Variants in KCNN2 observed in about 807,000 individuals in gnomAD.
KCNN2 encodes small conductance calcium-activated potassium channel protein 2.
Under a neutral mutation model 55.5 loss-of-function variants are expected in KCNN2, and 24 were observed. The observed-to-expected ratio is 0.43, with a 90% CI of 0.31 to 0.61. KCNN2 has a LOEUF of 0.61. Among genes scored for constraint, KCNN2 ranks in the 20% least tolerant of loss-of-function variants. The pLI is 0.08. For synonymous variants in KCNN2, 431 were observed against 336.1 expected (o/e 1.28, Z -3.09); for missense variants, 754 against 853.6 (o/e 0.88, Z 1.45).
chr5:114,206,464 C>A (rs1382921251), intron 1 of KCNN2, among the ~76,000 whole-genome samples: 1 of 152,162 alleles, frequency 6.6e-6, no homozygotes, highest in Non-Finnish European at 1.5e-5. Flanking sequence ...CTCAGCTCTG[C>A]ATCTCCAAAT....
chr5:114,473,940 T>C (rs775104545), intron 5 of KCNN2, among the ~76,000 whole-genome samples: 28 of 152,226 alleles, frequency 1.8e-4, no homozygotes, highest in Admixed American at 9.8e-4. Context: ...TTAGACTAAA[T>C]TTTTAGCCTT....
intron 3 of KCNN2, among the ~76,000 whole-genome samples, chr5:114,438,646 A>G (rs1255922958): frequency 6.6e-6 from 1 of 152,142 alleles, no homozygotes; most frequent in Non-Finnish European, 1.5e-5. Context: ...TCCTGTCCCC[A>G]TTTGTTGGGG....
chr5:114,107,449 A>G (rs111327814), intron 1 of KCNN2, among the ~76,000 whole-genome samples: 3,157 of 152,204 alleles, frequency 0.021, 53 homozygotes, highest in Non-Finnish European at 0.032. Flanking sequence ...CAATGGCACA[A>G]TCATGGCTCG....
chr5:114,285,831 G>A (rs756021866), intron 2 of KCNN2, among the ~76,000 whole-genome samples: 20 of 151,736 alleles, frequency 1.3e-4, no homozygotes, highest in Non-Finnish European at 2.2e-4. Flanking sequence ...AGGTGAAATT[G>A]CAGATAAAGA....
chr5:114,338,333 G>A (rs1756957195), intron 2 of KCNN2, among the ~76,000 whole-genome samples: 3 of 152,158 alleles, frequency 2.0e-5, no homozygotes, highest in South Asian at 4.1e-4. Flanking sequence ...ATATGTACAC[G>A]TATGTAGGGA....
chr5:114,251,208 A>T (rs1016768907), intron 2 of KCNN2, among the ~76,000 whole-genome samples: 2 of 152,186 alleles, frequency 1.3e-5, no homozygotes, highest in Admixed American at 1.3e-4. Context: ...TGCCTATTGC[A>T]ATTACAACCA....
At chr5:114,090,097 T>A (rs1200251755) in intron 1 of KCNN2, among the ~76,000 whole-genome samples, 2 of 152,208 alleles carry the variant, frequency 1.3e-5, no homozygotes, top group African/African-American at 4.8e-5. Context: ...TGAACTATAC[T>A]ATACTGTCAT....
In KCNN2 at chr5:114,259,898, GTTC is replaced by G. The variant is rs146976605; in HGVS notation, c.-185+38339_-185+38341del. 7.6e-3 allele frequency among the ~76,000 whole-genome samples: 1,150 copies of G among 152,166 alleles called. 14 individuals are homozygous for G. The highest frequency in any genetic ancestry group is 0.026 in the African/African-American group (1,088 of 41,544). On this transcript the variant is annotated intron_variant, in intron 2 of 10. Coordinates refer to the KCNN2 transcript ENST00000512097. ...CTTATGATTATTCACTGTAACTTTC[GTTC>G]TTCTTTCTGAGGAGAATTGGCATCT...
intron 2 of KCNN2, among the ~76,000 whole-genome samples, chr5:114,403,965 T>C (rs1758863546): frequency 6.6e-6 from 1 of 152,180 alleles, no homozygotes; most frequent in Non-Finnish European, 1.5e-5. Context: ...AGAATAAGAT[T>C]TCCTGTAAGA....
intron 1 of KCNN2, among the ~76,000 whole-genome samples, chr5:114,147,818 T>A (rs1415669565): frequency 1.3e-5 from 2 of 152,180 alleles, no homozygotes; most frequent in Admixed American, 1.3e-4. Flanking sequence ...TGGGGCTTAA[T>A]GGCGCGAGCT....
intron 1 of KCNN2, among the ~76,000 whole-genome samples, chr5:114,147,136 C>T (rs4645324): frequency 0.091 from 13,889 of 152,140 alleles, 803 homozygotes; most frequent in Non-Finnish European, 0.12. Flanking sequence ...CTTACGTACA[C>T]TGCCTTTTCA....
intron 1 of KCNN2, among the ~76,000 whole-genome samples, chr5:114,144,358 AT>A (rs981281911): frequency 4.5e-4 from 69 of 152,134 alleles, no homozygotes; most frequent in African/African-American, 1.6e-3. Context: ...TCCAAGTAGA[AT>A]TTTTTTGCCA....
intron 2 of KCNN2, among the ~76,000 whole-genome samples, chr5:114,241,941 A>T (rs981587602): frequency 8.7e-5 from 13 of 150,016 alleles, no homozygotes; most frequent in Non-Finnish European, 1.9e-4. Flanking sequence ...ACAGCTATAT[A>T]GAACCATGAA....
At chr5:114,260,684 T>C (rs1234210940) in intron 2 of KCNN2, among the ~76,000 whole-genome samples, 1 of 152,240 alleles carries the variant, frequency 6.6e-6, no homozygotes, top group Non-Finnish European at 1.5e-5. Context: ...CTGTTTTGGT[T>C]CCTTTAGCTC....
chr5:114,070,119 C>T (rs10046022), intron 1 of KCNN2, among the ~76,000 whole-genome samples: 1,674 of 152,286 alleles, frequency 0.011, 45 homozygotes, highest in African/African-American at 0.038. Flanking sequence ...ACAGTGTGCA[C>T]GACCATTGCT....
chr5:114,335,112 A>G (rs1756897928), intron 2 of KCNN2, among the ~76,000 whole-genome samples: 1 of 152,016 alleles, frequency 6.6e-6, no homozygotes, highest in South Asian at 2.1e-4. Context: ...TTTAGTAGAG[A>G]CGGGGTTTCA....
At chr5:114,096,498 C>A (rs987012396) in intron 1 of KCNN2, among the ~76,000 whole-genome samples, 2 of 152,104 alleles carry the variant, frequency 1.3e-5, no homozygotes, top group African/African-American at 4.8e-5. Flanking sequence ...ATGACCTGTA[C>A]ATCACAGAGT....
intron 2 of KCNN2, among the ~76,000 whole-genome samples, chr5:114,382,441 G>A (rs766204195): frequency 1.3e-5 from 2 of 152,176 alleles, no homozygotes; most frequent in African/African-American, 2.4e-5. Context: ...ATATATCTTT[G>A]TGAGGTTATT....
intron 3 of KCNN2, among the ~76,000 whole-genome samples, chr5:114,442,614 G>A (rs982837591): frequency 4.6e-5 from 7 of 152,084 alleles, no homozygotes; most frequent in Non-Finnish European, 8.8e-5. Context: ...TTTGAAGTAT[G>A]CCTCGCCAGA....
Sources: gnomAD v4.1 joint callset for allele counts (sites outside exome capture counted in the v4.1 genomes callset) on GRCh38, gnomAD v4.1.1 for gene constraint, MANE v1.5 for transcripts, NCBI Gene and HGNC (gene_info 2026-07-23, HGNC 2026-07-21) for gene names.